The following COBL variants were observed in gnomAD, a reference collection of about 807,000 sequenced individuals.
COBL encodes cordon-bleu WH2 repeat protein, also known as protein cordon-bleu.
COBL carries 51 observed loss-of-function variants against 98.8 expected under a neutral mutation model. The ratio of observed to expected loss-of-function variants is 0.52; its 90% CI spans 0.41 to 0.65. The LOEUF (loss-of-function observed/expected upper bound fraction) is 0.65, where lower values mean the gene tolerates loss of function less well. Ranked by LOEUF, COBL falls within the 30% of genes least tolerant of loss-of-function variation. COBL has a pLI of 0.00. For synonymous variants in COBL, 634 were observed against 651.7 expected (o/e 0.97, Z 0.41); for missense variants, 1,617 against 1,617.5 (o/e 1.00, Z 0.01).
chr7:51,174,959 C>G (rs2129046137), intron 5 of COBL, among the ~76,000 whole-genome samples: 1 of 152,308 alleles, frequency 6.6e-6, no homozygotes, highest in Middle Eastern at 3.4e-3. Context: ...CCAGCGTTTT[C>G]TCTCAGACCC....
chr7:51,250,957 C>T (rs1236221075), intron 1 of COBL, among the ~76,000 whole-genome samples: 1 of 152,182 alleles, frequency 6.6e-6, no homozygotes, highest in Non-Finnish European at 1.5e-5. Context: ...ATTAAAATAA[C>T]TAAGGTATTA....
chr7:51,251,211 C>A (rs983290541), intron 1 of COBL, among the ~76,000 whole-genome samples: 5 of 152,172 alleles, frequency 3.3e-5, no homozygotes, highest in African/African-American at 1.2e-4. Flanking sequence ...AAGAAAAGGA[C>A]ACCAAGAGAA....
intron 1 of COBL, among the ~76,000 whole-genome samples, chr7:51,302,416 T>C (rs1462491854): frequency 6.6e-6 from 1 of 151,938 alleles, no homozygotes; most frequent in African/African-American, 2.4e-5. Context: ...ACCCTATCTC[T>C]ACTAAAAATA....
chr7:51,239,547 G>A (rs189380541), intron 1 of COBL, among the ~76,000 whole-genome samples: 160 of 152,236 alleles, frequency 1.1e-3, no homozygotes, highest in African/African-American at 3.6e-3. Flanking sequence ...ACCAGGACTC[G>A]CGCTACTGCT....
intron 8 of COBL, among the ~76,000 whole-genome samples, 159 bp downstream of exon 8, chr7:51,043,224 C>G (rs547588006): frequency 6.6e-6 from 1 of 152,338 alleles, no homozygotes; most frequent in South Asian, 2.1e-4. Flanking sequence ...ATAGACAGCA[C>G]AGAGACATGC....
intron 2 of COBL, among the ~76,000 whole-genome samples, chr7:51,209,929 G>A (rs1280336652): frequency 6.6e-6 from 1 of 152,234 alleles, no homozygotes; most frequent in East Asian, 1.9e-4. Context: ...CAGGTTTGGA[G>A]CATCTAGAGA....
At chr7:51,281,626 C>A (rs529853026) in intron 1 of COBL, among the ~76,000 whole-genome samples, 2 of 145,042 alleles carry the variant, frequency 1.4e-5, no homozygotes, top group South Asian at 4.5e-4. Context: ...GAAGTCGAAA[C>A]AACTTTTAAA....
chr7:51,079,435 T>G (rs28567627), intron 7 of COBL, among the ~76,000 whole-genome samples: 16,334 of 152,258 alleles, frequency 0.11, 975 homozygotes, highest in South Asian at 0.13. Context: ...TTCTGGTATA[T>G]TTCTTTATTA....
intron 5 of COBL, among the ~76,000 whole-genome samples, chr7:51,146,543 C>T (rs1785046249): frequency 6.6e-6 from 1 of 151,906 alleles, no homozygotes; most frequent in African/African-American, 2.4e-5. Flanking sequence ...TTCTGTAGCG[C>T]TTCTGCCATG....
chr7:51,285,200 C>A (rs889820700), intron 1 of COBL, among the ~76,000 whole-genome samples: 1 of 152,114 alleles, frequency 6.6e-6, no homozygotes, highest in Non-Finnish European at 1.5e-5. Context: ...CCGCCTCAGC[C>A]TCCTAAAGTG....
chr7:51,296,527 C>T (rs1457199416), intron 1 of COBL, among the ~76,000 whole-genome samples: 1 of 152,020 alleles, frequency 6.6e-6, no homozygotes, highest in East Asian at 1.9e-4. Flanking sequence ...TTATTTTACA[C>T]AAGTTAAATA....
At chr7:51,124,342 T>C (rs1026638671) in intron 6 of COBL, among the ~76,000 whole-genome samples, 32 of 152,098 alleles carry the variant, frequency 2.1e-4, no homozygotes, top group Non-Finnish European at 7.4e-5. Flanking sequence ...AATTGGAGAT[T>C]AGCAATCTCC....
At chr7:51,268,937 A>G (rs1227661651) in intron 1 of COBL, among the ~76,000 whole-genome samples, 1 of 151,154 alleles carries the variant, frequency 6.6e-6, no homozygotes, top group Admixed American at 6.6e-5. Flanking sequence ...CTCAATAAAA[A>G]AAAAAAAAAA....
intron 2 of COBL, among the ~76,000 whole-genome samples, chr7:51,217,851 A>G (rs1372881447): frequency 6.6e-6 from 1 of 152,182 alleles, no homozygotes; most frequent in Non-Finnish European, 1.5e-5. Context: ...AAACAAAGAA[A>G]CTCACAGAAA....
At position 51,260,320 on chromosome 7, in the gene COBL, A is replaced by T. The variant is rs190572045; in HGVS notation, c.42-40376T>A. Among the ~76,000 whole-genome samples, 30 of 152,342 alleles carry T rather than the reference A, an allele frequency of 2.0e-4. No homozygotes were observed. The South Asian group carries it at 4.1e-3, about 21-fold the overall frequency. ...CATTTATAGAACAGGATAATATGTAAAGTTTGCATTGAAAATAAAAAGGGA... is the reference window on the plus strand; with the variant it reads ...CATTTATAGAACAGGATAATATGTATAGTTTGCATTGAAAATAAAAAGGGA... On this transcript the variant is annotated intron_variant, in intron 1 of 12. Transcript: ENST00000265136.
chr7:51,039,913 A>C (rs973843400), intron 8 of COBL, among the ~76,000 whole-genome samples: 1 of 152,192 alleles, frequency 6.6e-6, no homozygotes, highest in Non-Finnish European at 1.5e-5. Context: ...TGTAACCCAC[A>C]GGGTGACAGT....
At chr7:51,251,084 A>G (rs1796693096) in intron 1 of COBL, among the ~76,000 whole-genome samples, 1 of 152,362 alleles carries the variant, frequency 6.6e-6, no homozygotes, top group South Asian at 2.1e-4. Context: ...CTAATAATAG[A>G]TAACAGTATA....
chr7:51,278,737 T>C (rs533749993), intron 1 of COBL, among the ~76,000 whole-genome samples: 3 of 152,200 alleles, frequency 2.0e-5, no homozygotes, highest in Non-Finnish European at 4.4e-5. Flanking sequence ...AGCCCCACCA[T>C]GTGCCCTTCT....
chr7:51,220,486 G>T (rs1793529221), intron 1 of COBL, among the ~76,000 whole-genome samples: 2 of 152,090 alleles, frequency 1.3e-5, no homozygotes, highest in South Asian at 4.2e-4. Context: ...GGACAGATGC[G>T]GCTGTTTGGC....
Sources: allele counts gnomAD v4.1 joint callset (sites outside exome capture counted in the v4.1 genomes callset), GRCh38; gene constraint gnomAD v4.1.1; transcripts MANE v1.5; gene names NCBI Gene and HGNC (gene_info 2026-07-23, HGNC 2026-07-21).